Variants in SLC9A9 observed in about 807,000 individuals in gnomAD.
SLC9A9 encodes solute carrier family 9 member A9.
SLC9A9 carries 62 observed loss-of-function variants against 77.8 expected under a neutral mutation model. The ratio of observed to expected loss-of-function variants is 0.80; its 90% CI spans 0.65 to 0.98. SLC9A9 has a LOEUF of 0.98. Among genes scored for constraint, SLC9A9 ranks in the 50% least tolerant of loss-of-function variants. The pLI, the probability that SLC9A9 is intolerant of heterozygous loss-of-function variation, is 0.00. For missense variants in SLC9A9, 775 were observed against 774.9 expected (o/e 1.00, Z 0.00); for synonymous variants, 320 against 283.5 (o/e 1.13, Z -1.29).
At chr3:143,655,581 T>C (rs937046667) in intron 5 of SLC9A9, 4 of 985,316 alleles carry the variant, frequency 4.1e-6, no homozygotes, top group Non-Finnish European at 1.2e-6. Context: ...TCTTCTTACA[T>C]GATGTTGTAG....
At chr3:143,725,179 T>C (rs1934607318) in intron 4 of SLC9A9, among the ~76,000 whole-genome samples, 1 of 152,212 alleles carries the variant, frequency 6.6e-6, no homozygotes, top group African/African-American at 2.4e-5. Context: ...TCTAGCCTGG[T>C]GATTGGCACA....
chr3:143,518,186 A>G, intron 9 of SLC9A9: 1 of 1,599,036 alleles, frequency 6.3e-7, no homozygotes, highest in Non-Finnish European at 8.5e-7. Context: ...CTCCTTACAC[A>G]TTTTCACAAA....
chr3:143,779,608 T>G (rs1490608205), intron 4 of SLC9A9, among the ~76,000 whole-genome samples: 1 of 152,154 alleles, frequency 6.6e-6, no homozygotes, highest in Non-Finnish European at 1.5e-5. Flanking sequence ...TGACCTCAGG[T>G]GATCCATCCA....
chr3:143,815,835 C>A (rs1315265451), intron 2 of SLC9A9, among the ~76,000 whole-genome samples: 1 of 152,094 alleles, frequency 6.6e-6, no homozygotes, highest in East Asian at 1.9e-4. Context: ...CACTGCACTC[C>A]AGCCTGGTGA....
At chr3:143,825,602 T>C (rs763795128) in intron 2 of SLC9A9, among the ~76,000 whole-genome samples, 10 of 152,234 alleles carry the variant, frequency 6.6e-5, no homozygotes, top group Non-Finnish European at 1.2e-4. Context: ...ATTTGCAGCT[T>C]GGCAATTCTC....
chr3:143,457,850 T>G (rs1470949176), intron 12 of SLC9A9, among the ~76,000 whole-genome samples: 2 of 152,234 alleles, frequency 1.3e-5, no homozygotes, highest in Admixed American at 6.5e-5. Flanking sequence ...AAAGGTTTTA[T>G]GACCTATGCT....
At chr3:143,587,989 A>G (rs150070525) in intron 6 of SLC9A9, among the ~76,000 whole-genome samples, 13 of 152,350 alleles carry the variant, frequency 8.5e-5, no homozygotes, top group African/African-American at 3.1e-4. Flanking sequence ...CATTCTTTGT[A>G]TTTCCAGAAG....
At chr3:143,526,107 A>G (rs1017235755) in intron 9 of SLC9A9, among the ~76,000 whole-genome samples, 3 of 152,230 alleles carry the variant, frequency 2.0e-5, no homozygotes, top group African/African-American at 7.2e-5. Context: ...CAAAGCCATC[A>G]TTGAAAGCTT....
chr3:143,584,627 C>T (rs2037511969), intron 6 of SLC9A9, among the ~76,000 whole-genome samples: 1 of 152,172 alleles, frequency 6.6e-6, no homozygotes, highest in Non-Finnish European at 1.5e-5. Flanking sequence ...AAATTATTGG[C>T]ACCAGTTCAT....
At chr3:143,516,818 T>C (rs1167795625) in intron 9 of SLC9A9, among the ~76,000 whole-genome samples, 3 of 152,186 alleles carry the variant, frequency 2.0e-5, no homozygotes, top group African/African-American at 7.2e-5. Context: ...ACAGGATTAC[T>C]TTTAATAGAT....
intron 2 of SLC9A9, among the ~76,000 whole-genome samples, chr3:143,828,968 T>G (rs1453476937): frequency 3.9e-5 from 6 of 152,178 alleles, no homozygotes. Context: ...ACTCCCTAAA[T>G]CAGTCAAATC....
At chr3:143,269,333 T>C (rs1937832063) in intron 14 of SLC9A9, among the ~76,000 whole-genome samples, 1 of 152,238 alleles carries the variant, frequency 6.6e-6, no homozygotes, top group African/African-American at 2.4e-5. Context: ...TTCTTAAAAC[T>C]GTACACACGC....
intron 9 of SLC9A9, among the ~76,000 whole-genome samples, chr3:143,529,417 C>T (rs569200973): frequency 6.6e-6 from 1 of 152,254 alleles, no homozygotes; most frequent in East Asian, 1.9e-4. Flanking sequence ...GTAATCCTCT[C>T]TAGGGGTGTG....
chr3:143,550,166 A>G (rs1202291906), intron 9 of SLC9A9, among the ~76,000 whole-genome samples: 2 of 152,068 alleles, frequency 1.3e-5, no homozygotes, highest in African/African-American at 4.8e-5. Context: ...CTCATTCTGG[A>G]GGGCTTCAAA....
intron 12 of SLC9A9, among the ~76,000 whole-genome samples, chr3:143,407,462 C>T (rs1399985769): frequency 6.6e-6 from 1 of 152,090 alleles, no homozygotes; most frequent in African/African-American, 2.4e-5. Context: ...GGAAATATGC[C>T]ATTCTTATCC....
chr3:143,483,992 A>C (rs1459573436), intron 11 of SLC9A9, among the ~76,000 whole-genome samples: 1 of 152,154 alleles, frequency 6.6e-6, no homozygotes, highest in African/African-American at 2.4e-5. Context: ...TATCTGGATG[A>C]CTGTGAATGA....
chr3:143,416,360 T>C (rs1394917514), intron 12 of SLC9A9, among the ~76,000 whole-genome samples: 3 of 152,098 alleles, frequency 2.0e-5, no homozygotes, highest in Non-Finnish European at 2.9e-5. Flanking sequence ...TACAGAGAAA[T>C]GTTTTGTGAA....
intron 12 of SLC9A9, among the ~76,000 whole-genome samples, chr3:143,403,632 T>C (rs187091588): frequency 1.3e-5 from 2 of 152,220 alleles, no homozygotes; most frequent in Admixed American, 1.3e-4. Flanking sequence ...TTGCTGATAG[T>C]TTTTTAAGCA....
At chr3:143,639,499 G>A (rs1224295815) in intron 6 of SLC9A9, among the ~76,000 whole-genome samples, 1 of 152,132 alleles carries the variant, frequency 6.6e-6, no homozygotes, top group Non-Finnish European at 1.5e-5. Context: ...CATGACAAAA[G>A]TATACTGTAT....
Sources: allele counts gnomAD v4.1 joint callset (sites outside exome capture counted in the v4.1 genomes callset), GRCh38; gene constraint gnomAD v4.1.1; transcripts MANE v1.5; gene names NCBI Gene and HGNC (gene_info 2026-07-23, HGNC 2026-07-21).